Variants in PTPRR observed in about 807,000 individuals in gnomAD.
PTPRR encodes protein tyrosine phosphatase receptor type R.
PTPRR carries 38 observed loss-of-function variants against 77.2 expected under a neutral mutation model. That is an observed-to-expected ratio of 0.49 (90% confidence interval 0.38 to 0.65). The LOEUF (loss-of-function observed/expected upper bound fraction) is 0.65. Among genes scored for constraint, PTPRR ranks in the 30% least tolerant of loss-of-function variants. The pLI is 0.00. For synonymous variants in PTPRR, 299 were observed against 283.1 expected (o/e 1.06, Z -0.57); for missense variants, 744 against 799.2 (o/e 0.93, Z 0.83).
chr12:70,651,861 G>T (rs570692589), intron 13 of PTPRR, among the ~76,000 whole-genome samples: 1 of 151,638 alleles, frequency 6.6e-6, no homozygotes, highest in South Asian at 2.1e-4. Context: ...ACTTGACTTT[G>T]GACAAGTTAC....
At chr12:70,687,425 C>T (rs1365352859) in intron 8 of PTPRR, among the ~76,000 whole-genome samples, 3 of 78,330 alleles carry the variant, frequency 3.8e-5, no homozygotes, top group African/African-American at 1.1e-4. Flanking sequence ...GAGAAAGTCC[C>T]ATTCTGCTTA....
chr12:70,790,569 T>C (rs925861271), intron 2 of PTPRR, among the ~76,000 whole-genome samples: 1 of 152,144 alleles, frequency 6.6e-6, no homozygotes, highest in African/African-American at 2.4e-5. Flanking sequence ...GATCTCTCCC[T>C]TAGAACTCAA....
intron 2 of PTPRR, among the ~76,000 whole-genome samples, chr12:70,868,240 G>A (rs1290000522): frequency 5.3e-5 from 8 of 151,898 alleles, no homozygotes; most frequent in Non-Finnish European, 1.0e-4. Context: ...TACCATCAGA[G>A]TGAGCAGGCA....
chr12:70,845,984 A>G (rs1019059079), intron 2 of PTPRR, among the ~76,000 whole-genome samples: 1 of 152,216 alleles, frequency 6.6e-6, no homozygotes, highest in Non-Finnish European at 1.5e-5. Flanking sequence ...AAGCAATTTC[A>G]ATACTGAAAA....
intron 13 of PTPRR, among the ~76,000 whole-genome samples, chr12:70,643,817 C>T (rs1013053432): frequency 6.3e-4 from 96 of 151,820 alleles, no homozygotes; most frequent in African/African-American, 2.0e-3. Flanking sequence ...CTGTGTCATC[C>T]TGGCTGGATC....
chr12:70,917,757 T>C (rs1893796388), intron 1 of PTPRR, among the ~76,000 whole-genome samples: 1 of 152,176 alleles, frequency 6.6e-6, no homozygotes, highest in East Asian at 1.9e-4. Flanking sequence ...AGCAGTTTGC[T>C]ACTTATCATT....
chr12:70,643,695 G>A lies in PTPRR; in HGVS notation c.1881-4418C>T, dbSNP rs113056621. ...GGTTTCATGGATTTGCTAAAATCTG[G>A]ATCTATATTACTGATATAAAGTTCC... is the stretch of plus-strand genomic sequence containing the variant. On this transcript the variant is annotated intron_variant, in intron 13 of 13. Coordinates refer to ENST00000283228, the MANE Select transcript of PTPRR (RefSeq NM_002849.4). Among the ~76,000 whole-genome samples the A allele has an allele frequency of 8.1e-3, 1,231 of 152,192 alleles. 5 individuals carry two copies. Among genetic ancestry groups the A allele is most frequent in the Non-Finnish European group, 0.013 (916 of 68,004 alleles).
chr12:70,736,812 T>C (rs1231902531), intron 6 of PTPRR, among the ~76,000 whole-genome samples: 2 of 152,228 alleles, frequency 1.3e-5, no homozygotes, highest in African/African-American at 2.4e-5. Context: ...GGCTGGGTCA[T>C]AGGTTCCAAT....
intron 8 of PTPRR, among the ~76,000 whole-genome samples, chr12:70,697,865 T>C (rs1462861107): frequency 1.3e-5 from 2 of 152,186 alleles, no homozygotes; most frequent in African/African-American, 4.8e-5. Context: ...AACAAAATTT[T>C]AGAATATGTG....
chr12:70,907,082 A>G (rs1395573976), intron 1 of PTPRR: 1 of 152,196 alleles, frequency 6.6e-6, no homozygotes, highest in Admixed American at 6.5e-5. Context: ...TCCAGTCTAC[A>G]CACTGGCTAC....
chr12:70,858,891 C>T (rs1892698767), intron 2 of PTPRR, among the ~76,000 whole-genome samples: 1 of 151,230 alleles, frequency 6.6e-6, no homozygotes, highest in Non-Finnish European at 1.5e-5. Context: ...TCTAGATATG[C>T]TTTGTAGGCA....
chr12:70,899,729 G>A (rs1893498803), intron 1 of PTPRR, among the ~76,000 whole-genome samples: 1 of 151,200 alleles, frequency 6.6e-6, no homozygotes, highest in Non-Finnish European at 1.5e-5. Context: ...ACAAAGAAAA[G>A]GAGCAAAAGA....
Position 70,892,673 on chromosome 12 carries a change from A to G in PTPRR, c.357+6T>C. The G allele has an allele frequency of 1.2e-6, 2 of 1,612,758 alleles. No individual in the cohort carries two copies. The highest frequency in any genetic ancestry group is 2.2e-5 in the East Asian group (1 of 44,862). ...AGCCTCAGCATCAGTTTAACATACT[A>G]CTTACCACCACAATTACATTTGCTG... On this transcript the variant is annotated splice_donor_region_variant and intron_variant, in intron 2 of 13. Coordinates refer to ENST00000283228, the MANE Select transcript of PTPRR (RefSeq NM_002849.4).
chr12:70,884,386 G>T (rs1466158255), intron 2 of PTPRR, among the ~76,000 whole-genome samples: 1 of 152,052 alleles, frequency 6.6e-6, no homozygotes, highest in Non-Finnish European at 1.5e-5. Flanking sequence ...GACAAAGAAG[G>T]AAAGAAAGAA....
chr12:70,677,922 G>A (rs1365593478), intron 10 of PTPRR, among the ~76,000 whole-genome samples: 1 of 152,174 alleles, frequency 6.6e-6, no homozygotes, highest in Non-Finnish European at 1.5e-5. Flanking sequence ...CTTGTAGAAT[G>A]AGTTTGGATA....
At chr12:70,899,383 G>A (rs1893490814) in intron 1 of PTPRR, among the ~76,000 whole-genome samples, 1 of 151,378 alleles carries the variant, frequency 6.6e-6, no homozygotes, top group South Asian at 2.1e-4. Flanking sequence ...ACCAAATGGG[G>A]CTGATTTTCC....
chr12:70,698,197 A>G lies in PTPRR; in HGVS notation c.1279+68T>C, dbSNP rs530764649. ...CATCAACCCATCATCTACATTAGGT[A>G]TTTCTCCTAATGGCTATCCCTCCCC... On this transcript the variant is annotated intron_variant, in intron 8 of 13. Transcript: ENST00000283228. The G allele has an allele frequency of 1.9e-5, 26 of 1,335,368 alleles. No homozygotes were observed. In the East Asian group the frequency reaches 5.5e-4, roughly 28 times the overall value. 82.7% of individuals were successfully genotyped at this position (1,335,368 alleles called of 1,614,324 possible). A position where few individuals can be genotyped will look rare whatever the true frequency, so the allele number is the denominator to read the frequency against.
intron 2 of PTPRR, among the ~76,000 whole-genome samples, chr12:70,851,139 A>C (rs1242467377): frequency 6.6e-6 from 1 of 152,214 alleles, no homozygotes; most frequent in Non-Finnish European, 1.5e-5. Context: ...AACTAACGTT[A>C]GGTAATTTGC....
At chr12:70,852,857 G>T (rs1892593199) in intron 2 of PTPRR, among the ~76,000 whole-genome samples, 1 of 152,084 alleles carries the variant, frequency 6.6e-6, no homozygotes, top group Non-Finnish European at 1.5e-5. Flanking sequence ...AACATGATGA[G>T]ACAGGCAGGA....
Sources: gnomAD v4.1 joint callset for allele counts (sites outside exome capture counted in the v4.1 genomes callset) on GRCh38, gnomAD v4.1.1 for gene constraint, MANE v1.5 for transcripts, NCBI Gene and HGNC (gene_info 2026-07-23, HGNC 2026-07-21) for gene names.